PRKAR1B: variants seen among roughly 807,000 people sequenced by gnomAD.
PRKAR1B encodes cAMP-dependent protein kinase type I-beta regulatory subunit.
PRKAR1B carries 22 observed loss-of-function variants against 46.5 expected under a neutral mutation model. The ratio of observed to expected loss-of-function variants is 0.47; its 90% CI spans 0.34 to 0.68. The LOEUF is 0.68. Among genes scored for constraint, PRKAR1B ranks in the 30% least tolerant of loss-of-function variants. The pLI, the probability that PRKAR1B is intolerant of heterozygous loss-of-function variation, is 0.01. For synonymous variants in PRKAR1B, 259 were observed against 217.7 expected (o/e 1.19, Z -1.67); for missense variants, 445 against 535.6 (o/e 0.83, Z 1.67).
chr7:639,523 G>A (rs988288147), intron 4 of PRKAR1B, among the ~76,000 whole-genome samples: 2 of 152,186 alleles, frequency 1.3e-5, no homozygotes, highest in South Asian at 4.1e-4. Context: ...GAAGCAAAGA[G>A]ATTTTAGATG....
At chr7:626,853 G>C (rs1412378976) in intron 4 of PRKAR1B, among the ~76,000 whole-genome samples, 2 of 152,014 alleles carry the variant, frequency 1.3e-5, no homozygotes, top group Non-Finnish European at 2.9e-5. Flanking sequence ...TGGGACTACA[G>C]GTACAGCACC....
At chr7:599,716 G>A (rs909667260) in intron 6 of PRKAR1B, among the ~76,000 whole-genome samples, 33 of 152,218 alleles carry the variant, frequency 2.2e-4, no homozygotes, top group African/African-American at 7.7e-4. Context: ...ACCTTCACTC[G>A]CTCACCCTCT....
intron 9 of PRKAR1B, among the ~76,000 whole-genome samples, chr7:558,894 C>A (rs921869007): frequency 3.3e-5 from 5 of 152,208 alleles, no homozygotes; most frequent in African/African-American, 1.2e-4. Context: ...AGAGGTCAGT[C>A]GGATCACAGA....
chr7:556,209 C>T (rs1471707563), intron 9 of PRKAR1B, among the ~76,000 whole-genome samples: 1 of 152,120 alleles, frequency 6.6e-6, no homozygotes, highest in East Asian at 1.9e-4. Context: ...GGCATTCGTG[C>T]TTCCCACCAA....
chr7:591,068 C>T lies in PRKAR1B; in HGVS notation c.708+5078G>A, dbSNP rs375162334. Among the ~76,000 whole-genome samples, 28 of 152,266 alleles carry T rather than the reference C, an allele frequency of 1.8e-4. 2 individuals carry two copies. Among genetic ancestry groups the T allele is most frequent in the East Asian group, 1.7e-3 (9 of 5,198 alleles). On this transcript the variant is annotated intron_variant, in intron 7 of 10. Transcript: ENST00000537384. ...TGACTGCCCAGCAATTACGCCCAGC[C>T]GGAGGAATGCAAGCGTGTTTTGCCC...
In PRKAR1B at chr7:605,224, C is replaced by G. The variant is rs982830992; in HGVS notation, c.549+969G>C. The stretch of plus-strand genomic sequence containing the variant: ...TCCAGGAACCGAGGGAGGATGATGT[C>G]ACTGAGGTCCTTCCCGCTGACTCCG... On this transcript the variant is annotated intron_variant, in intron 6 of 10. Transcript: ENST00000537384. 2.6e-5 allele frequency among the ~76,000 whole-genome samples: 4 copies of G among 152,232 alleles called. No individual in the cohort carries two copies. The South Asian group carries it at 8.3e-4, about 32-fold the overall frequency.
In PRKAR1B at chr7:687,962, G is replaced by A. The variant is rs187896910; in HGVS notation, c.178-7236C>T. 2.3e-3 allele frequency among the ~76,000 whole-genome samples: 342 copies of A among 151,672 alleles called. 1 individual carries two copies. The highest frequency in any genetic ancestry group is 3.7e-3 in the Non-Finnish European group (254 of 67,958). On this transcript the variant is annotated intron_variant, in intron 2 of 10. Transcript: ENST00000537384. ...AATACAAAAATTAGCCGGGCATGGT[G>A]GCAGGCACCTGTAATTCCAGCTCCT...
intron 9 of PRKAR1B, among the ~76,000 whole-genome samples, chr7:558,980 G>A (rs1778618905): frequency 6.6e-6 from 1 of 152,236 alleles, no homozygotes; most frequent in African/African-American, 2.4e-5. Context: ...CCACAGGCGT[G>A]GACGGCGGCC....
intron 4 of PRKAR1B, among the ~76,000 whole-genome samples, chr7:663,892 G>C (rs769083436): frequency 6.6e-6 from 1 of 152,208 alleles, no homozygotes. Context: ...GCAGGGAGCA[G>C]ACAGGTGGGC....
intron 2 of PRKAR1B, among the ~76,000 whole-genome samples, chr7:687,814 G>A (rs114132596): frequency 0.013 from 2,032 of 152,234 alleles, 52 homozygotes; most frequent in African/African-American, 0.046. Context: ...AGGCATTACC[G>A]GCCGGGCATG....
chr7:635,189 A>G (rs1377584080), intron 4 of PRKAR1B, among the ~76,000 whole-genome samples: 1 of 152,244 alleles, frequency 6.6e-6, no homozygotes, highest in African/African-American at 2.4e-5. Context: ...CTTCTCTGGA[A>G]AAATCAAGAT....
At chr7:673,045 TAAAAAAAAAAAAAAAAA>T (rs992683667) in intron 4 of PRKAR1B, among the ~76,000 whole-genome samples, 1,367 of 26,600 alleles carry the variant, frequency 0.051, 41 homozygotes, top group Non-Finnish European at 0.068. Context: ...GCCTTGTCTT[TAAAAAAAAAAAAAAAAA>T]AAAAAAAAAA....
At position 667,649 on chromosome 7, in the gene PRKAR1B, G is replaced by A. The variant is rs879358010; in HGVS notation, c.440+9580C>T. Reference sequence around the variant, plus strand: ...TCCTTCACCATGCAGGCAGGGTAGCGGCAGGTGCAGGTGATGTGTCCTTAC... The same window carrying A: ...TCCTTCACCATGCAGGCAGGGTAGCAGCAGGTGCAGGTGATGTGTCCTTAC... On this transcript the variant is annotated intron_variant, in intron 4 of 10. Transcript: ENST00000537384. This position sits in a 1 kb window ranked among gnomAD's most constrained non-coding sequence, Gnocchi z 4.3. Among the ~76,000 whole-genome samples the A allele has an allele frequency of 1.1e-4, 16 of 147,962 alleles. No individual in the cohort carries two copies. Among genetic ancestry groups the A allele is most frequent in the Admixed American group, 3.3e-4 (5 of 15,110 alleles).
At chr7:680,438 A>C in intron 3 of PRKAR1B, 118 bp downstream of exon 3, 1 of 1,055,130 alleles carries the variant, frequency 9.5e-7, no homozygotes, top group South Asian at 1.7e-5. Flanking sequence ...CCCTCCAACC[A>C]GGATGACACT....
intron 7 of PRKAR1B, among the ~76,000 whole-genome samples, chr7:587,313 T>C (rs1780657708): frequency 6.6e-6 from 1 of 152,284 alleles, no homozygotes; most frequent in South Asian, 2.1e-4. Flanking sequence ...AGGCACCACT[T>C]GGTGTTTACT....
At position 654,022 on chromosome 7, in the gene PRKAR1B, G is replaced by A. The variant is rs1479989276; in HGVS notation, c.440+23207C>T. Among the ~76,000 whole-genome samples, 11 of 146,780 alleles carry A rather than the reference G, an allele frequency of 7.5e-5. 1 individual carries two copies. The highest frequency in any genetic ancestry group is 6.7e-4 in the South Asian group (3 of 4,490). On this transcript the variant is annotated intron_variant, in intron 4 of 10. Transcript: ENST00000537384. ...CATCACCATCTCTATCTTCACCACC[G>A]TCACCATCATCATCACCATCCTTAT... is the stretch of plus-strand genomic sequence containing the variant.
intron 7 of PRKAR1B, among the ~76,000 whole-genome samples, chr7:589,799 C>T (rs1440775810): frequency 5.9e-5 from 9 of 152,258 alleles, no homozygotes; most frequent in South Asian, 2.1e-4. Context: ...CACGGCACCA[C>T]GTCATCATGC....
chr7:684,782 A>G (rs1023900175), intron 2 of PRKAR1B, among the ~76,000 whole-genome samples: 1 of 152,110 alleles, frequency 6.6e-6, no homozygotes, highest in Non-Finnish European at 1.5e-5. Flanking sequence ...AGACAGAGTA[A>G]TACAATGAAT....
chr7:628,785 C>G (rs916864723), intron 4 of PRKAR1B, among the ~76,000 whole-genome samples: 2 of 152,202 alleles, frequency 1.3e-5, no homozygotes, highest in African/African-American at 4.8e-5. Flanking sequence ...CTCCCTCCCT[C>G]GCCTTTTCCA....
Sources: gnomAD v4.1 joint callset for allele counts (sites outside exome capture counted in the v4.1 genomes callset) on GRCh38, gnomAD v4.1.1 for gene constraint, Gnocchi (gnomAD v3.1) non-coding constraint, MANE v1.5 for transcripts, NCBI Gene and HGNC (gene_info 2026-07-23, HGNC 2026-07-21) for gene names.